BPGM: variants seen among roughly 807,000 people sequenced by gnomAD.
BPGM encodes 2,3-bisphosphoglycerate mutase, erythrocyte.
A neutral mutation model predicts 21.6 loss-of-function variants in BPGM; 15 were observed. The ratio of observed to expected loss-of-function variants is 0.70; its 90% CI spans 0.47 to 1.07. The LOEUF (loss-of-function observed/expected upper bound fraction) is 1.07. Among genes scored for constraint, BPGM ranks in the 50% least tolerant of loss-of-function variants. BPGM has a pLI of 0.00. For missense variants in BPGM, 273 were observed against 319.0 expected, an observed-to-expected ratio of 0.86 and a Z score of 1.10; for synonymous variants, 113 against 116.2, an observed-to-expected ratio of 0.97 and a Z score of 0.18.
chr7:134,676,315 A>C (rs567105598), intron 2 of BPGM, among the ~76,000 whole-genome samples: 1 of 152,340 alleles, frequency 6.6e-6, no homozygotes, highest in South Asian at 2.1e-4. Flanking sequence ...TGAGTGGTGA[A>C]TCCAAGATGC....
chr7:134,657,398 C>G (rs534306110), intron 1 of BPGM, among the ~76,000 whole-genome samples: 11 of 152,314 alleles, frequency 7.2e-5, no homozygotes, highest in Admixed American at 3.3e-4. Context: ...TGAACATTTT[C>G]TAAGACCAGT....
intron 2 of BPGM, among the ~76,000 whole-genome samples, chr7:134,662,656 G>A (rs867420570): frequency 2.0e-5 from 3 of 152,140 alleles, no homozygotes; most frequent in Admixed American, 6.5e-5. Flanking sequence ...GTTCCTAGAC[G>A]TAGGTTTCCT....
chr7:134,674,425 C>T (rs901011371), intron 2 of BPGM, among the ~76,000 whole-genome samples: 2 of 152,152 alleles, frequency 1.3e-5, no homozygotes, highest in Non-Finnish European at 2.9e-5. Context: ...TTCCACCCAG[C>T]CCTGGGCAAC....
chr7:134,664,852 T>G (rs998767513), intron 2 of BPGM, among the ~76,000 whole-genome samples: 3 of 152,194 alleles, frequency 2.0e-5, no homozygotes, highest in African/African-American at 7.2e-5. Flanking sequence ...GGATCACATA[T>G]TAGAGGATTT....
chr7:134,667,104 T>C (rs17200065), intron 2 of BPGM, among the ~76,000 whole-genome samples: 26,288 of 152,020 alleles, frequency 0.17, 2,566 homozygotes, highest in Admixed American at 0.24. Flanking sequence ...AAAGAAAGCA[T>C]TTCATTGGAT....
intron 1 of BPGM, among the ~76,000 whole-genome samples, chr7:134,659,872 A>C (rs1052583883): frequency 2.0e-5 from 3 of 152,230 alleles, no homozygotes; most frequent in Non-Finnish European, 4.4e-5. Context: ...TTGGCATTGC[A>C]GATCGAGTAG....
At position 134,661,494 on chromosome 7, in the gene BPGM, G is replaced by A; in HGVS notation, c.-14G>A. 1 of 1,614,134 alleles carries A rather than the reference G, an allele frequency of 6.2e-7. No homozygotes were observed. Among genetic ancestry groups the A allele is most frequent in the South Asian group, 1.1e-5 (1 of 91,052 alleles). On this transcript the variant is annotated 5_prime_UTR_variant, in exon 2 of 3. Coordinates refer to ENST00000344924, the MANE Select transcript of BPGM (RefSeq NM_001724.5). The surrounding 1 kb of genome is among the most constrained non-coding windows in gnomAD (Gnocchi z 4.6). The stretch of plus-strand genomic sequence containing the variant: ...TAGCCCATTTGAAAACGCCTGGGAA[G>A]TTCAGCCATCAGTATGTCCAAGTAC...
At chr7:134,649,284 A>G (rs1286030685) in intron 1 of BPGM, among the ~76,000 whole-genome samples, 1 of 152,152 alleles carries the variant, frequency 6.6e-6, no homozygotes, top group Admixed American at 6.5e-5. Flanking sequence ...TCCTATTTAA[A>G]CCAAACCAGA....
chr7:134,667,248 A>G (rs1795834439), intron 2 of BPGM, among the ~76,000 whole-genome samples: 3 of 152,254 alleles, frequency 2.0e-5, no homozygotes, highest in African/African-American at 7.2e-5. Flanking sequence ...GGTACAAAAT[A>G]TAAGTTACCA....
intron 1 of BPGM, among the ~76,000 whole-genome samples, chr7:134,650,920 G>A (rs1371358933): frequency 6.6e-6 from 1 of 152,202 alleles, no homozygotes; most frequent in Non-Finnish European, 1.5e-5. Context: ...GTGAGACTGC[G>A]TCTCAAAAGA....
chr7:134,678,732 C>T (rs552030332), intron 2 of BPGM, 121 bp from the exon 3 acceptor site: 16 of 1,015,960 alleles, frequency 1.6e-5, no homozygotes, highest in East Asian at 2.4e-5. Context: ...GCTGGAATCC[C>T]TCAGTACCTG....
At chr7:134,648,236 A>G (rs1026422247) in intron 1 of BPGM, among the ~76,000 whole-genome samples, 1 of 150,106 alleles carries the variant, frequency 6.7e-6, no homozygotes, top group Non-Finnish European at 1.5e-5. Flanking sequence ...CCTGGATTCA[A>G]TCGATTCTCC....
intron 2 of BPGM, 92 bp downstream of exon 2, chr7:134,662,200 A>T: frequency 6.7e-7 from 1 of 1,498,764 alleles, no homozygotes; most frequent in Non-Finnish European, 9.2e-7. Context: ...CTATTTACAC[A>T]ATAGACTCCT....
Position 134,679,323 on chromosome 7 carries a change from T to C in BPGM, c.*292T>C, listed in dbSNP as rs1796029390. 2.4e-6 allele frequency: 1 copy of C among 416,544 alleles called. No homozygotes were observed. The highest frequency in any genetic ancestry group is 4.4e-6 in the Non-Finnish European group (1 of 227,658). The allele number at this position is 416,544 out of a possible 1,614,324, so 25.8% of individuals were successfully genotyped here. On this transcript the variant is annotated 3_prime_UTR_variant, in exon 3 of 3. Transcript: ENST00000344924. ...GTTTCTGAGATGGGAGAGCAACAAG[T>C]AGAGATGAAGTTAAAGGTATTTATC...
In BPGM at chr7:134,662,022, G is replaced by C. The variant is rs778462618; in HGVS notation, c.515G>C (p.Arg172Thr). 10 of 1,614,142 alleles carry C rather than the reference G, an allele frequency of 6.2e-6. 1 individual carries two copies. The South Asian group carries it at 1.1e-4, about 18-fold the overall frequency. The change falls in exon 2 of 3, where the codon AGG becomes ACG. Residue 172 changes from arginine (R) to threonine (T), a missense_variant. Coordinates refer to ENST00000344924, the MANE Select transcript of BPGM (RefSeq NM_001724.5). ...LERLLPYWNE[R>T]IAPEVLRGKT... ...AGACTCCTTCCCTATTGGAATGAAAGGATTGCTCCCGAAGTATTACGTGGC... is the reference window on the plus strand; with the variant it reads ...AGACTCCTTCCCTATTGGAATGAAACGATTGCTCCCGAAGTATTACGTGGC...
intron 1 of BPGM, among the ~76,000 whole-genome samples, chr7:134,654,296 G>A (rs1156563385): frequency 6.6e-6 from 1 of 152,228 alleles, no homozygotes; most frequent in African/African-American, 2.4e-5. Context: ...TTCAATTTAT[G>A]AGTCATCCAT....
At chr7:134,655,798 G>C (rs1376242764) in intron 1 of BPGM, among the ~76,000 whole-genome samples, 1 of 152,196 alleles carries the variant, frequency 6.6e-6, no homozygotes, top group African/African-American at 2.4e-5. Flanking sequence ...GGTTCAGTCA[G>C]TACACCTACT....
chr7:134,651,389 A>G (rs1795552860), intron 1 of BPGM, among the ~76,000 whole-genome samples: 1 of 152,110 alleles, frequency 6.6e-6, no homozygotes. Flanking sequence ...GGAAGGGAGG[A>G]AGCAAAGTCC....
At chr7:134,656,913 C>T (rs1005123511) in intron 1 of BPGM, among the ~76,000 whole-genome samples, 5 of 152,192 alleles carry the variant, frequency 3.3e-5, no homozygotes, top group African/African-American at 1.2e-4. Context: ...CCCTCTCTGC[C>T]TATGAGCCTA....
Sources: allele counts gnomAD v4.1 joint callset (sites outside exome capture counted in the v4.1 genomes callset), GRCh38; gene constraint gnomAD v4.1.1; non-coding constraint Gnocchi (gnomAD v3.1); transcripts MANE v1.5; gene names NCBI Gene and HGNC (gene_info 2026-07-23, HGNC 2026-07-21).